The following ACSM1 variants were observed in gnomAD, a reference collection of about 807,000 sequenced individuals.
ACSM1 encodes the protein acyl-CoA synthetase medium chain family member 1.
A neutral mutation model predicts 75.8 loss-of-function variants in ACSM1; 79 were observed. The observed-to-expected ratio is 1.04, with a 90% CI of 0.87 to 1.26. ACSM1 has a LOEUF of 1.26. ACSM1 is among the 50% of genes most tolerant of loss of function. The probability of loss-of-function intolerance (pLI) is 0.00; values close to 1 mark genes in which losing one functional copy is unlikely to be tolerated. For synonymous variants in ACSM1, 279 were observed against 265.8 expected (o/e 1.05, Z -0.48); for missense variants, 676 against 720.1 (o/e 0.94, Z 0.70).
chr16:20,649,386 T>G (rs1025372073), intron 7 of ACSM1, among the ~76,000 whole-genome samples: 2 of 152,202 alleles, frequency 1.3e-5, no homozygotes, highest in Non-Finnish European at 2.9e-5. Context: ...CTCTGCCATA[T>G]CTTGAAACTG....
In ACSM1 at chr16:20,627,316, C is replaced by G; in HGVS notation, c.1300G>C (p.Gly434Arg). 1.9e-6 allele frequency: 3 copies of G among 1,564,812 alleles called. No homozygotes were observed. Among genetic ancestry groups the G allele is most frequent in the Non-Finnish European group, 2.6e-6 (3 of 1,160,796 alleles). The change falls in exon 11 of 14, where the codon GGT becomes CGT. Residue 434 changes from glycine (G) to arginine (R), a missense_variant and splice_region_variant. Coordinates refer to ENST00000520010, the MANE Select transcript of ACSM1 (RefSeq NM_001318890.3). The part of the protein sequence containing the change: ...RPVSLFMCYE[G>R]DPEKTAKVEC... The stretch of plus-strand genomic sequence containing the variant: ...ACTTTAGCTGTCTTCTCTGGGTCAC[C>G]CTGCAAAAAGAAGAGAGCTCCTTTG...
chr16:20,671,722 C>T (rs1238203441), intron 4 of ACSM1, 51 bp from the exon 5 acceptor site: 1 of 1,445,390 alleles, frequency 6.9e-7, no homozygotes, highest in Non-Finnish European at 9.1e-7. Context: ...GCTGTTTCTT[C>T]ATCTTCTGGG....
intron 6 of ACSM1, among the ~76,000 whole-genome samples, chr16:20,662,982 A>G (rs2019374111): frequency 6.6e-6 from 1 of 152,102 alleles, no homozygotes; most frequent in Non-Finnish European, 1.5e-5. Flanking sequence ...TTGGTAGAAG[A>G]GCTGAGGCAG....
chr16:20,625,723 C>T (rs971143338), intron 11 of ACSM1, among the ~76,000 whole-genome samples: 4 of 152,160 alleles, frequency 2.6e-5, no homozygotes, highest in Non-Finnish European at 2.9e-5. Context: ...CTGCGGTGCT[C>T]CCGGCTTCTT....
At chr16:20,627,423 G>T in intron 10 of ACSM1, 107 bp from the exon 11 acceptor site, 1 of 1,330,852 alleles carries the variant, frequency 7.5e-7, no homozygotes, top group Non-Finnish European at 9.9e-7. Context: ...TTTCTACTCG[G>T]TACCTGGGCA....
rs1428551701 is a variant in ACSM1, at chr16:20,625,447, G to A, written c.1503C>T (p.Gly501=). 1.2e-6 allele frequency: 2 copies of A among 1,614,090 alleles called. No homozygotes were observed. Among genetic ancestry groups the A allele is most frequent in the Non-Finnish European group, 1.7e-6 (2 of 1,180,034 alleles). The change falls in exon 12 of 14, where the codon GGC becomes GGT. Residue 501 remains glycine (G), a synonymous_variant. Coordinates refer to ENST00000520010, the MANE Select transcript of ACSM1 (RefSeq NM_001318890.3). ...HPAVAESAVV[G]SPDPIRGEVV... ...CCTCCCCTCGAATCGGGTCTGGGCTGCCCACCACGGCTGACTCCGCCACCG... is the reference window on the plus strand; with the variant it reads ...CCTCCCCTCGAATCGGGTCTGGGCTACCCACCACGGCTGACTCCGCCACCG...
At chr16:20,653,226 A>G (rs2018750696) in intron 7 of ACSM1, among the ~76,000 whole-genome samples, 1 of 152,226 alleles carries the variant, frequency 6.6e-6, no homozygotes, top group Non-Finnish European at 1.5e-5. Context: ...AAAACTCTCA[A>G]TAAATTAGGT....
intron 10 of ACSM1, among the ~76,000 whole-genome samples, chr16:20,629,368 G>C (rs1046516111): frequency 6.6e-6 from 1 of 152,136 alleles, no homozygotes; most frequent in East Asian, 1.9e-4. Context: ...ATTCAAATTA[G>C]ATTGTTACAA....
At chr16:20,663,382 T>C (rs1218441228) in intron 6 of ACSM1, among the ~76,000 whole-genome samples, 1 of 152,168 alleles carries the variant, frequency 6.6e-6, no homozygotes, top group Non-Finnish European at 1.5e-5. Context: ...CACCAATAAA[T>C]AGTGTGGGCT....
At chr16:20,679,240 CCAA>C (rs1369751209) in intron 4 of ACSM1, 1 of 152,218 alleles carries the variant, frequency 6.6e-6, no homozygotes, top group Non-Finnish European at 1.5e-5. Context: ...AGTGGATTAA[CCAA>C]CAAGACCCTG....
chr16:20,654,309 C>T (rs375503143), intron 7 of ACSM1, among the ~76,000 whole-genome samples: 33 of 152,180 alleles, frequency 2.2e-4, no homozygotes, highest in East Asian at 2.1e-3. Context: ...AGAAGAAAAC[C>T]TAGGCAATAC....
chr16:20,668,763 C>T (rs1300035770), intron 6 of ACSM1, among the ~76,000 whole-genome samples: 1 of 152,108 alleles, frequency 6.6e-6, no homozygotes, highest in African/African-American at 2.4e-5. Context: ...GCAGAGGTGG[C>T]TGCAGCAAAT....
At chr16:20,672,668 A>G (rs1330576592) in intron 4 of ACSM1, among the ~76,000 whole-genome samples, 2 of 128,802 alleles carry the variant, frequency 1.6e-5, no homozygotes, top group Non-Finnish European at 3.1e-5. Context: ...TATATCATAT[A>G]GTATATATTG....
At chr16:20,627,761 G>A (rs2017040530) in intron 10 of ACSM1, among the ~76,000 whole-genome samples, 1 of 151,056 alleles carries the variant, frequency 6.6e-6, no homozygotes, top group African/African-American at 2.4e-5. Context: ...CCTGGGAGGT[G>A]GAGGTTGCAG....
intron 7 of ACSM1, among the ~76,000 whole-genome samples, chr16:20,643,117 G>A (rs1329335284): frequency 6.6e-6 from 1 of 152,184 alleles, no homozygotes; most frequent in East Asian, 1.9e-4. Flanking sequence ...CAGAAGTACA[G>A]GAAAAGTGGA....
At chr16:20,677,490 A>G (rs1280571761) in intron 4 of ACSM1, among the ~76,000 whole-genome samples, 3 of 152,196 alleles carry the variant, frequency 2.0e-5, no homozygotes, top group Non-Finnish European at 2.9e-5. Flanking sequence ...AGAGACTGTG[A>G]ATACCCTAAA....
At chr16:20,632,909 G>T (rs917722940) in intron 10 of ACSM1, among the ~76,000 whole-genome samples, 1 of 152,160 alleles carries the variant, frequency 6.6e-6, no homozygotes, top group Non-Finnish European at 1.5e-5. Context: ...TTAATAGGAT[G>T]AAAAGAAAAT....
At chr16:20,685,554 G>A (rs1158351260) in intron 2 of ACSM1, 151 bp from the exon 3 acceptor site, 8 of 744,432 alleles carry the variant, frequency 1.1e-5, no homozygotes, top group Non-Finnish European at 1.8e-5. Flanking sequence ...AGGCGCAGTG[G>A]CTCATGCTTG....
chr16:20,683,741 T>TTTC (rs2079496513), intron 3 of ACSM1, among the ~76,000 whole-genome samples: 1 of 63,052 alleles, frequency 1.6e-5, no homozygotes, highest in Non-Finnish European at 4.3e-5. Flanking sequence ...TTCTTTCTTT[T>TTTC]TGTATTTTAG....
Sources: gnomAD v4.1 joint callset for allele counts (sites outside exome capture counted in the v4.1 genomes callset) on GRCh38, gnomAD v4.1.1 for gene constraint, MANE v1.5 for transcripts, NCBI Gene and HGNC (gene_info 2026-07-23, HGNC 2026-07-21) for gene names.